The following SAMTOR variants were observed in gnomAD, a reference collection of about 807,000 sequenced individuals.
SAMTOR encodes UPF0532 protein C7orf60.
At chr7:112,873,603 T>C in the SAMTOR span, among the ~76,000 whole-genome samples, 2 of 152,182 alleles carry the variant, frequency 1.3e-5, no homozygotes, top group Admixed American at 1.3e-4. Context: ...CCACAAACTA[T>C]AAAAATGCTA....
At chr7:112,852,911 CA>C in the SAMTOR span, among the ~76,000 whole-genome samples, 1 of 151,680 alleles carries the variant, frequency 6.6e-6, no homozygotes, top group African/African-American at 2.4e-5. Context: ...AACATGGAAT[CA>C]AGAGTGTAAA....
the SAMTOR span, among the ~76,000 whole-genome samples, chr7:112,922,893 C>T: frequency 2.1e-5 from 3 of 140,320 alleles, no homozygotes; most frequent in African/African-American, 8.2e-5. Context: ...GGGTCAGCCC[C>T]CCCCCCCCGG....
At chr7:112,918,341 C>G in the SAMTOR span, among the ~76,000 whole-genome samples, 1 of 152,140 alleles carries the variant, frequency 6.6e-6, no homozygotes, top group African/African-American at 2.4e-5. Flanking sequence ...CATATGCAGC[C>G]AAACTAAGCT....
At chr7:112,867,900 C>T in the SAMTOR span, among the ~76,000 whole-genome samples, 107 of 152,106 alleles carry the variant, frequency 7.0e-4, no homozygotes, top group Non-Finnish European at 2.9e-5. Context: ...AGGAGGTGAG[C>T]GGCCAGTAAG....
the SAMTOR span, among the ~76,000 whole-genome samples, chr7:112,914,622 T>C: frequency 6.6e-6 from 1 of 152,184 alleles, no homozygotes; most frequent in East Asian, 1.9e-4. Context: ...AATTTTAAGA[T>C]GTTTTAAGAC....
the SAMTOR span, among the ~76,000 whole-genome samples, chr7:112,835,641 C>T: frequency 1.3e-5 from 2 of 151,954 alleles, no homozygotes; most frequent in African/African-American, 4.8e-5. Context: ...TTCTCTGTCT[C>T]CACCCTTAAG....
the SAMTOR span, among the ~76,000 whole-genome samples, chr7:112,936,308 C>T: frequency 6.6e-6 from 1 of 152,210 alleles, no homozygotes; most frequent in African/African-American, 2.4e-5. Context: ...TTTTTAGTAA[C>T]TGCTTCAGAT....
At chr7:112,939,761 C>T in the SAMTOR span, 73 of 1,573,870 alleles carry the variant, frequency 4.6e-5, no homozygotes, top group Non-Finnish European at 6.0e-5. Flanking sequence ...ATCGCAGCCG[C>T]CGCCGCCGCC....
chr7:112,919,932 G>C, the SAMTOR span, among the ~76,000 whole-genome samples: 1 of 152,140 alleles, frequency 6.6e-6, no homozygotes, highest in Non-Finnish European at 1.5e-5. Flanking sequence ...ACCAATAACA[G>C]GCTCTGAAAT....
At chr7:112,939,654 G>A in the SAMTOR span, 2 of 1,613,756 alleles carry the variant, frequency 1.2e-6, no homozygotes, top group Non-Finnish European at 1.7e-6. Context: ...AGCTTCTCCT[G>A]CTCCAGTTTC....
chr7:112,929,250 C>T, the SAMTOR span, among the ~76,000 whole-genome samples: 1 of 151,284 alleles, frequency 6.6e-6, no homozygotes, highest in Non-Finnish European at 1.5e-5. Context: ...AGCAAAAAAA[C>T]AAATAATCTG....
At chr7:112,919,098 C>A in the SAMTOR span, among the ~76,000 whole-genome samples, 1 of 152,218 alleles carries the variant, frequency 6.6e-6, no homozygotes, top group Admixed American at 6.5e-5. Context: ...CCAAGTGGAC[C>A]TAATAGACAT....
the SAMTOR span, chr7:112,939,744 G>C: frequency 6.3e-7 from 1 of 1,597,694 alleles, no homozygotes. Context: ...CCGGCCCCTG[G>C]CTCCATATCG....
the SAMTOR span, among the ~76,000 whole-genome samples, chr7:112,903,205 C>T: frequency 6.6e-6 from 1 of 151,494 alleles, no homozygotes; most frequent in Non-Finnish European, 1.5e-5. Context: ...CCCAGCTACT[C>T]GGGAGGCTGA....
the SAMTOR span, among the ~76,000 whole-genome samples, chr7:112,852,241 T>C: frequency 6.6e-6 from 1 of 152,116 alleles, no homozygotes; most frequent in Admixed American, 6.6e-5. Flanking sequence ...GAAAATGTGG[T>C]GTATATATGT....
the SAMTOR span, among the ~76,000 whole-genome samples, chr7:112,856,583 T>C: frequency 1.3e-5 from 2 of 152,204 alleles, no homozygotes; most frequent in East Asian, 3.8e-4. Context: ...CACTGACCTC[T>C]GCATATCTTT....
the SAMTOR span, among the ~76,000 whole-genome samples, chr7:112,931,920 C>CTT: frequency 3.5e-5 from 5 of 142,420 alleles, no homozygotes; most frequent in Non-Finnish European, 4.6e-5. Context: ...AAAACTATTA[C>CTT]TTTTTTTTTT....
At chr7:112,883,163 T>C in the SAMTOR span, among the ~76,000 whole-genome samples, 1 of 152,202 alleles carries the variant, frequency 6.6e-6, no homozygotes, top group Admixed American at 6.5e-5. Context: ...AGTGACCATC[T>C]AATATGTTTT....
At chr7:112,939,520 G>A in the SAMTOR span, 1 of 1,607,152 alleles carries the variant, frequency 6.2e-7, no homozygotes, top group Non-Finnish European at 8.5e-7. Context: ...CTCTTTGGAG[G>A]AGGGAAGAGG....
Sources: gnomAD v4.1 joint callset for allele counts (sites outside exome capture counted in the v4.1 genomes callset) on GRCh38, gnomAD v4.1.1 for gene constraint, MANE v1.5 for transcripts, NCBI Gene and HGNC (gene_info 2026-07-23, HGNC 2026-07-21) for gene names.